Variants in CNTLN observed in about 807,000 individuals in gnomAD.
CNTLN encodes centlein.
A neutral mutation model predicts 180.0 loss-of-function variants in CNTLN; 212 were observed. The observed-to-expected ratio is 1.18, with a 90% CI of 1.05 to 1.32. The LOEUF (loss-of-function observed/expected upper bound fraction) is 1.32. CNTLN is among the 40% of genes most tolerant of loss of function. The probability of loss-of-function intolerance (pLI) is 0.00; values close to 1 mark genes in which losing one functional copy is unlikely to be tolerated. For synonymous variants in CNTLN, 722 were observed against 563.1 expected (o/e 1.28, Z -3.99); for missense variants, 2,095 against 1,610.9 (o/e 1.30, Z -5.14).
intron 6 of CNTLN, among the ~76,000 whole-genome samples, chr9:17,290,611 G>T (rs1230104198): frequency 7.0e-6 from 1 of 142,154 alleles, no homozygotes; most frequent in Admixed American, 7.0e-5. Context: ...CCCCAGCCTG[G>T]CTGCCGCCTT....
At chr9:17,409,164 A>G in intron 15 of CNTLN, 129 bp from the exon 16 acceptor site, 2 of 732,522 alleles carry the variant, frequency 2.7e-6, no homozygotes, top group Non-Finnish European at 4.6e-6. Context: ...GAGAACCAGT[A>G]AATGCCCACG....
At chr9:17,255,333 G>T (rs1826407398) in intron 5 of CNTLN, among the ~76,000 whole-genome samples, 2 of 151,584 alleles carry the variant, frequency 1.3e-5, no homozygotes, top group Admixed American at 1.3e-4. Context: ...TTTTGTATTT[G>T]GCCTTTGTTA....
rs923849998 is a variant in CNTLN at position 17,440,583 on chromosome 9, C to T, written c.3115-16941C>T. Among the ~76,000 whole-genome samples the T allele has an allele frequency of 6.0e-4, 61 of 101,672 alleles. 1 individual carries two copies. In the Middle Eastern group the frequency reaches 0.02, roughly 34 times the overall value. The allele number at this position is 101,672 out of a possible 152,430, so 66.7% of individuals were successfully genotyped here. The stretch of plus-strand genomic sequence containing the variant: ...CAGCCTGGGCGACGGAGCGAGACTC[C>T]GTCTCAAAAAAAAAAAAAAGAACTG... On this transcript the variant is annotated intron_variant, in intron 18 of 25. Coordinates refer to ENST00000380647, the MANE Select transcript of CNTLN (RefSeq NM_017738.4).
At chr9:17,255,823 G>C (rs1385681824) in intron 5 of CNTLN, among the ~76,000 whole-genome samples, 1 of 151,818 alleles carries the variant, frequency 6.6e-6, no homozygotes, top group Non-Finnish European at 1.5e-5. Context: ...TACTGATTCA[G>C]TCTTCTTACA....
At chr9:17,294,632 G>A (rs113476797) in intron 6 of CNTLN, among the ~76,000 whole-genome samples, 12 of 149,890 alleles carry the variant, frequency 8.0e-5, no homozygotes, top group East Asian at 2.0e-4. Flanking sequence ...AGTGTATCCC[G>A]CACAGGGGCC....
intron 13 of CNTLN, among the ~76,000 whole-genome samples, chr9:17,371,335 A>G (rs1824299876): frequency 6.6e-6 from 1 of 152,206 alleles, no homozygotes; most frequent in South Asian, 2.1e-4. Flanking sequence ...TACTTATATC[A>G]GACCAAATAG....
intron 2 of CNTLN, among the ~76,000 whole-genome samples, chr9:17,160,642 A>C (rs1819614876): frequency 6.6e-6 from 1 of 152,306 alleles, no homozygotes; most frequent in East Asian, 1.9e-4. Flanking sequence ...TCCAAATATC[A>C]GTTCTGTTTT....
intron 8 of CNTLN, among the ~76,000 whole-genome samples, chr9:17,312,369 T>TATATATATATATAAA (rs1554686010): frequency 5.8e-5 from 2 of 34,408 alleles, no homozygotes; most frequent in African/African-American, 1.6e-4. Flanking sequence ...ATATATTATA[T>TATATATATATATAAA]ATATATATAT....
At chr9:17,351,528 C>T (rs1353232476) in intron 12 of CNTLN, among the ~76,000 whole-genome samples, 6 of 152,116 alleles carry the variant, frequency 3.9e-5, no homozygotes, top group African/African-American at 1.4e-4. Context: ...TTCCTCAAAC[C>T]AGAAACCATG....
chr9:17,237,196 A>G (rs1056191859), intron 5 of CNTLN, among the ~76,000 whole-genome samples: 4 of 152,094 alleles, frequency 2.6e-5, no homozygotes, highest in African/African-American at 9.7e-5. Flanking sequence ...ATTTTTCAAA[A>G]TAATACTTTT....
chr9:17,294,923 G>A, intron 6 of CNTLN, among the ~76,000 whole-genome samples: 1 of 128,142 alleles, frequency 7.8e-6, no homozygotes, highest in African/African-American at 2.8e-5. Flanking sequence ...GGGGGAGTGG[G>A]GGGAGGGCGG....
chr9:17,179,817 G>GT (rs559949090), intron 2 of CNTLN, among the ~76,000 whole-genome samples: 4 of 150,976 alleles, frequency 2.6e-5, no homozygotes, highest in South Asian at 4.2e-4. Context: ...AGTTCTATCA[G>GT]TTTTTTTTCT....
intron 2 of CNTLN, among the ~76,000 whole-genome samples, chr9:17,179,690 A>G (rs1383202630): frequency 1.3e-5 from 2 of 152,128 alleles, no homozygotes; most frequent in African/African-American, 4.8e-5. Context: ...CTATAGGTTG[A>G]TTTTGTTGCT....
chr9:17,500,289 C>G (rs1019408764), intron 25 of CNTLN, among the ~76,000 whole-genome samples: 4 of 152,112 alleles, frequency 2.6e-5, no homozygotes, highest in Non-Finnish European at 2.9e-5. Context: ...CTTCCCATTC[C>G]ACATTGGAGG....
chr9:17,177,019 C>G (rs1218201774), intron 2 of CNTLN, among the ~76,000 whole-genome samples: 1 of 152,050 alleles, frequency 6.6e-6, no homozygotes, highest in African/African-American at 2.4e-5. Context: ...CCAAAAAGTT[C>G]TTAGTTTCAT....
At chr9:17,527,774 G>C in the CNTLN span, among the ~76,000 whole-genome samples, 11 of 151,984 alleles carry the variant, frequency 7.2e-5, no homozygotes, top group Non-Finnish European at 1.3e-4. Context: ...AATTGGGGCA[G>C]GAAATATACA....
chr9:17,476,835 G>C (rs1367191992), intron 23 of CNTLN, among the ~76,000 whole-genome samples: 2 of 152,202 alleles, frequency 1.3e-5, no homozygotes, highest in Non-Finnish European at 2.9e-5. Flanking sequence ...TTATCCAAAA[G>C]ATCTAGGTAA....
chr9:17,300,787 C>T (rs1185550015), intron 7 of CNTLN: 4 of 169,490 alleles, frequency 2.4e-5, no homozygotes, highest in African/African-American at 9.6e-5. Flanking sequence ...TCATCTTTGC[C>T]TTCTTTTCTT....
At chr9:17,298,393 A>G (rs779625613) in intron 7 of CNTLN, 41 bp downstream of exon 7, 4 of 1,454,980 alleles carry the variant, frequency 2.7e-6, no homozygotes, top group Middle Eastern at 1.9e-4. Context: ...ATGTTTATGT[A>G]TGAACTTATG....
Sources: gnomAD v4.1 joint callset for allele counts (sites outside exome capture counted in the v4.1 genomes callset) on GRCh38, gnomAD v4.1.1 for gene constraint, MANE v1.5 for transcripts, NCBI Gene and HGNC (gene_info 2026-07-23, HGNC 2026-07-21) for gene names.